Variants in MKLN1 observed in about 807,000 individuals in gnomAD.
The protein encoded by MKLN1 is muskelin 1.
Under a neutral mutation model 99.0 loss-of-function variants are expected in MKLN1, and 18 were observed. The ratio of observed to expected loss-of-function variants is 0.18; its 90% CI spans 0.13 to 0.27. The LOEUF (loss-of-function observed/expected upper bound fraction) is 0.27, where lower values mean the gene tolerates loss of function less well. Ranked by LOEUF, MKLN1 falls within the 10% of genes least tolerant of loss-of-function variation. MKLN1 has a pLI of 1.00. For synonymous variants in MKLN1, 288 were observed against 293.2 expected (o/e 0.98, Z 0.18); for missense variants, 621 against 875.9 (o/e 0.71, Z 3.67).
At chr7:131,136,704 C>A (rs545162241) in intron 1 of MKLN1, among the ~76,000 whole-genome samples, 1 of 152,192 alleles carries the variant, frequency 6.6e-6, no homozygotes, top group Non-Finnish European at 1.5e-5. Context: ...GAACAACTCC[C>A]GTTGCACCAC....
At chr7:131,463,155 G>C (rs1416676073) in intron 12 of MKLN1, 62 bp from the exon 13 acceptor site, 1 of 1,350,172 alleles carries the variant, frequency 7.4e-7, no homozygotes, top group African/African-American at 1.5e-5. Flanking sequence ...AGGAAGGAAG[G>C]AAGGAAATAC....
intron 12 of MKLN1, 149 bp from the exon 13 acceptor site, chr7:131,463,068 G>A (rs1382795897): frequency 1.6e-6 from 1 of 622,970 alleles, no homozygotes; most frequent in Non-Finnish European, 2.7e-6. Context: ...GCTGCAGTGA[G>A]TCATGGTTGT....
intron 1 of MKLN1, among the ~76,000 whole-genome samples, chr7:131,328,735 G>A (rs1257902027): frequency 6.6e-6 from 1 of 152,140 alleles, no homozygotes; most frequent in Non-Finnish European, 1.5e-5. Context: ...AGAAACATCT[G>A]GCTTTAATGA....
chr7:131,202,922 C>T (rs1289243567), exon 3 of MKLN1: 1 of 152,196 alleles, frequency 6.6e-6, no homozygotes, highest in Non-Finnish European at 1.5e-5. Context: ...TGGAGTCCTC[C>T]ACTGTCGTCA....
intron 3 of MKLN1, among the ~76,000 whole-genome samples, chr7:131,307,264 G>C (rs911257186): frequency 6.6e-6 from 1 of 152,302 alleles, no homozygotes; most frequent in South Asian, 2.1e-4. Flanking sequence ...TGGATATCCA[G>C]GCAGAAGTCT....
chr7:131,175,030 AGATGGATGGATG>A (rs66786066), intron 2 of MKLN1, among the ~76,000 whole-genome samples: 52,997 of 148,106 alleles, frequency 0.36, 10,015 homozygotes, highest in East Asian at 0.61. Context: ...ATAGATAGGC[AGATGGATGGATG>A]GATGGATGGA....
chr7:131,161,895 G>A (rs1197225688), intron 2 of MKLN1, among the ~76,000 whole-genome samples: 1 of 145,846 alleles, frequency 6.9e-6, no homozygotes, highest in African/African-American at 2.5e-5. Flanking sequence ...TGAACACATT[G>A]TTTTTTTCAC....
chr7:131,172,417 G>A (rs1316276861), intron 2 of MKLN1, among the ~76,000 whole-genome samples: 11 of 151,994 alleles, frequency 7.2e-5, no homozygotes, highest in African/African-American at 9.7e-5. Flanking sequence ...CTGGGTTCAC[G>A]CCATTCTCCT....
At chr7:131,254,659 A>T (rs1797631667) in intron 3 of MKLN1, among the ~76,000 whole-genome samples, 1 of 148,642 alleles carries the variant, frequency 6.7e-6, no homozygotes, top group African/African-American at 2.4e-5. Flanking sequence ...ACTAAAGAGA[A>T]AAATTAATTA....
At chr7:131,264,347 A>G (rs1484066645) in intron 3 of MKLN1, among the ~76,000 whole-genome samples, 1 of 152,184 alleles carries the variant, frequency 6.6e-6, no homozygotes, top group Non-Finnish European at 1.5e-5. Context: ...GAACAAACAA[A>G]TCTTAAGATG....
Position 131,149,029 on chromosome 7 carries a change from G to A in MKLN1, c.-297+6088G>A, listed in dbSNP as rs191762788. Among the ~76,000 whole-genome samples, 294 of 152,248 alleles carry A rather than the reference G, an allele frequency of 1.9e-3. 2 individuals are homozygous for A. The highest frequency in any genetic ancestry group is 3.4e-3 in the Middle Eastern group (1 of 294). On this transcript the variant is annotated intron_variant, in intron 2 of 7. Coordinates refer to the MKLN1 transcript ENST00000416992. ...TCATTTTAAAATCAGTCGCAGGCTCGGATTTCTGGGGCAGGCGGTGGGGCA... is the reference window on the plus strand; with the variant it reads ...TCATTTTAAAATCAGTCGCAGGCTCAGATTTCTGGGGCAGGCGGTGGGGCA...
intron 4 of MKLN1, among the ~76,000 whole-genome samples, chr7:131,391,878 C>G (rs1378606804): frequency 6.6e-6 from 1 of 152,114 alleles, no homozygotes; most frequent in Non-Finnish European, 1.5e-5. Flanking sequence ...GTTTACATGC[C>G]TTCTTACATG....
At position 131,491,734 on chromosome 7, in the gene MKLN1, A is replaced by C. The variant is rs756477964; in HGVS notation, c.*4006A>C. On this transcript the variant is annotated 3_prime_UTR_variant, in exon 18 of 18. Coordinates refer to ENST00000352689, the MANE Select transcript of MKLN1 (RefSeq NM_013255.5). ...CAAATGCTTTTTCTTTTTCTGAATA[A>C]ATGCTGTATTAGAGGTTCTATTTAT... 1 of 152,694 alleles carries C rather than the reference A, an allele frequency of 6.5e-6. No individual in the cohort carries two copies. Among genetic ancestry groups the C allele is most frequent in the East Asian group, 1.9e-4 (1 of 5,176 alleles). The allele number at this position is 152,694 out of a possible 1,614,324, so 9.5% of individuals were successfully genotyped here.
chr7:131,192,056 G>GTA (rs1160080719), intron 2 of MKLN1, among the ~76,000 whole-genome samples: 4 of 96,712 alleles, frequency 4.1e-5, no homozygotes, highest in South Asian at 2.6e-4. Context: ...ATGTATACAT[G>GTA]TATATATATA....
chr7:131,136,400 T>C (rs939932561), intron 1 of MKLN1, among the ~76,000 whole-genome samples: 4 of 152,292 alleles, frequency 2.6e-5, no homozygotes, highest in African/African-American at 9.6e-5. Flanking sequence ...GACCAAGTGG[T>C]CGCCTAGATT....
intron 6 of MKLN1, among the ~76,000 whole-genome samples, chr7:131,402,775 CT>C (rs1241131863): frequency 6.6e-6 from 1 of 152,046 alleles, no homozygotes; most frequent in African/African-American, 2.4e-5. Context: ...TGAAAGAAAT[CT>C]TTTTTTCTTT....
intron 3 of MKLN1, among the ~76,000 whole-genome samples, chr7:131,226,886 A>G (rs1298785336): frequency 6.6e-6 from 1 of 152,078 alleles, no homozygotes; most frequent in Admixed American, 6.6e-5. Context: ...TTGATTTTCT[A>G]TATTTTTCTG....
At chr7:131,454,608 G>T (rs1454093483) in intron 12 of MKLN1, among the ~76,000 whole-genome samples, 1 of 152,132 alleles carries the variant, frequency 6.6e-6, no homozygotes, top group Non-Finnish European at 1.5e-5. Context: ...TTGTTTAATG[G>T]CAAGTTGCCT....
At chr7:131,202,477 G>T (rs765917855) in intron 2 of MKLN1, among the ~76,000 whole-genome samples, 2 of 151,956 alleles carry the variant, frequency 1.3e-5, no homozygotes, top group Non-Finnish European at 2.9e-5. Flanking sequence ...GCCCAGGCTG[G>T]CCTCGAATGC....
Sources: allele counts gnomAD v4.1 joint callset (sites outside exome capture counted in the v4.1 genomes callset), GRCh38; gene constraint gnomAD v4.1.1; transcripts MANE v1.5; gene names NCBI Gene and HGNC (gene_info 2026-07-23, HGNC 2026-07-21).